PRKD1: variants seen among roughly 807,000 people sequenced by gnomAD.
PRKD1 encodes the protein serine/threonine-protein kinase D1.
A neutral mutation model predicts 95.9 loss-of-function variants in PRKD1; 63 were observed. That is an observed-to-expected ratio of 0.66 (90% CI 0.54 to 0.81). PRKD1 has a LOEUF of 0.81. Ranked by LOEUF, PRKD1 falls within the 30% of genes least tolerant of loss-of-function variation. The probability of loss-of-function intolerance (pLI) is 0.00; values close to 1 mark genes in which losing one functional copy is unlikely to be tolerated. For synonymous variants in PRKD1, 425 were observed against 423.1 expected (o/e 1.00, Z -0.05); for missense variants, 1,048 against 1,165.3 (o/e 0.90, Z 1.47).
intron 11 of PRKD1, among the ~76,000 whole-genome samples, chr14:29,627,937 C>T (rs1017303958): frequency 5.3e-5 from 8 of 152,100 alleles, no homozygotes; most frequent in South Asian, 2.1e-4. Context: ...TTAGGCTTTC[C>T]GATAACTCAA....
At chr14:29,678,455 A>G (rs1883353810) in intron 2 of PRKD1, among the ~76,000 whole-genome samples, 1 of 152,156 alleles carries the variant, frequency 6.6e-6, no homozygotes, top group Non-Finnish European at 1.5e-5. Context: ...TGAATAATTT[A>G]TTAGACAAGT....
At chr14:29,642,571 T>C (rs1384020314) in intron 4 of PRKD1, among the ~76,000 whole-genome samples, 1 of 152,224 alleles carries the variant, frequency 6.6e-6, no homozygotes, top group Non-Finnish European at 1.5e-5. Flanking sequence ...AAATGTATTA[T>C]ACAAAGTAAA....
intron 1 of PRKD1, among the ~76,000 whole-genome samples, chr14:29,854,680 T>C (rs1566638227): frequency 2.6e-5 from 4 of 152,092 alleles, no homozygotes; most frequent in Non-Finnish European, 4.4e-5. Flanking sequence ...CCCAAGACAA[T>C]GGGAAAAATG....
At chr14:29,611,988 T>C (rs1878502149) in intron 13 of PRKD1, among the ~76,000 whole-genome samples, 1 of 152,194 alleles carries the variant, frequency 6.6e-6, no homozygotes, top group Non-Finnish European at 1.5e-5. Flanking sequence ...ATTACTGTAG[T>C]ACAGCTTCTA....
At chr14:29,809,785 T>C (rs1890402122) in intron 1 of PRKD1, among the ~76,000 whole-genome samples, 2 of 152,256 alleles carry the variant, frequency 1.3e-5, no homozygotes, top group Non-Finnish European at 2.9e-5. Context: ...TGTTTTGTTT[T>C]CTTATCATTT....
rs1192535083 is a variant in PRKD1 at position 29,826,842 on chromosome 14, C to CAT, written c.264+100406_264+100407insAT. Reference sequence around the variant, plus strand: ...ATATATATATATATATATATATACACACATATATATATATATATATATATA... The same window carrying CAT: ...ATATATATATATATATATATATACACATACATATATATATATATATATATATA... On this transcript the variant is annotated intron_variant, in intron 1 of 17. Transcript: ENST00000331968. 1.2e-3 allele frequency among the ~76,000 whole-genome samples: 24 copies of CAT among 19,868 alleles called. 4 individuals carry two copies. The highest frequency in any genetic ancestry group is 3.4e-3 in the African/African-American group (17 of 5,070). The allele number at this position is 19,868 out of a possible 152,430, so 13.0% of individuals were successfully genotyped here.
At chr14:29,895,284 C>G (rs968941102) in intron 1 of PRKD1, among the ~76,000 whole-genome samples, 8 of 152,094 alleles carry the variant, frequency 5.3e-5, no homozygotes, top group African/African-American at 1.9e-4. Context: ...GCCACTGCAC[C>G]CCAGCCTGGG....
At chr14:29,816,136 T>C (rs2139257024) in intron 1 of PRKD1, among the ~76,000 whole-genome samples, 1 of 152,290 alleles carries the variant, frequency 6.6e-6, no homozygotes, top group East Asian at 1.9e-4. Flanking sequence ...AAGAGTCACT[T>C]GAACCAGGGA....
intron 4 of PRKD1, among the ~76,000 whole-genome samples, chr14:29,642,398 T>C (rs1880843028): frequency 6.6e-6 from 1 of 152,212 alleles, no homozygotes; most frequent in Non-Finnish European, 1.5e-5. Flanking sequence ...TTGTTTGATA[T>C]ATCAAGCTAC....
chr14:29,644,567 T>G lies in PRKD1; in HGVS notation c.697-5663A>C, dbSNP rs141959497. Among the ~76,000 whole-genome samples, 84 of 151,946 alleles carry G rather than the reference T, an allele frequency of 5.5e-4. No individual in the cohort carries two copies. In the Middle Eastern group the frequency reaches 0.01, roughly 18 times the overall value. The stretch of plus-strand genomic sequence containing the variant: ...GAATCTAGGTGTGTGATAAAATAAC[T>G]TGATCTAGATGTCAGCAACTGAAAA... On this transcript the variant is annotated intron_variant, in intron 4 of 17. Coordinates refer to ENST00000331968, the MANE Select transcript of PRKD1 (RefSeq NM_002742.3).
chr14:29,776,794 C>T (rs1008046650), intron 1 of PRKD1, among the ~76,000 whole-genome samples: 22 of 152,232 alleles, frequency 1.4e-4, no homozygotes, highest in Admixed American at 7.8e-4. Flanking sequence ...ACACAGAGAA[C>T]ACCACAAAGA....
chr14:29,675,872 C>T lies in PRKD1; in HGVS notation c.404-9664G>A, dbSNP rs1883143863. 4.6e-5 allele frequency among the ~76,000 whole-genome samples: 7 copies of T among 151,278 alleles called. No homozygotes were observed. The South Asian group carries it at 1.5e-3, about 32-fold the overall frequency. On this transcript the variant is annotated intron_variant, in intron 2 of 17. Coordinates refer to ENST00000331968, the MANE Select transcript of PRKD1 (RefSeq NM_002742.3). ...GAAACCATCATTCTCAGCAAACTAT[C>T]GCAAGGACAAAAACACAAACACCGC... is the stretch of plus-strand genomic sequence containing the variant.
intron 1 of PRKD1, among the ~76,000 whole-genome samples, chr14:29,843,801 G>A (rs1891966512): frequency 6.6e-6 from 1 of 152,102 alleles, no homozygotes; most frequent in Admixed American, 6.6e-5. Flanking sequence ...TTAGAAAATG[G>A]TAAATGTTAT....
At chr14:29,596,688 C>T (rs903169439) in intron 16 of PRKD1, among the ~76,000 whole-genome samples, 1 of 152,150 alleles carries the variant, frequency 6.6e-6, no homozygotes, top group African/African-American at 2.4e-5. Flanking sequence ...CCTCTGACCT[C>T]GTGATCCACA....
At chr14:29,863,074 A>T (rs887978821) in intron 1 of PRKD1, among the ~76,000 whole-genome samples, 1 of 152,216 alleles carries the variant, frequency 6.6e-6, no homozygotes, top group Non-Finnish European at 1.5e-5. Context: ...AGAATTTCTT[A>T]CTGAATGGCT....
intron 1 of PRKD1, among the ~76,000 whole-genome samples, chr14:29,785,596 T>C (rs943083120): frequency 1.7e-4 from 26 of 150,186 alleles, no homozygotes; most frequent in South Asian, 4.2e-4. Flanking sequence ...CTTCCAGTAC[T>C]GTCTTGAAAA....
At chr14:29,770,725 G>C (rs1888463490) in intron 1 of PRKD1, among the ~76,000 whole-genome samples, 1 of 152,090 alleles carries the variant, frequency 6.6e-6, no homozygotes, top group Admixed American at 6.6e-5. Context: ...CCAGCACTTT[G>C]GGAGACCAAG....
intron 2 of PRKD1, among the ~76,000 whole-genome samples, chr14:29,692,134 AC>A (rs977425139): frequency 4.6e-5 from 7 of 151,888 alleles, no homozygotes; most frequent in Non-Finnish European, 8.8e-5. Flanking sequence ...TTTATGAGTT[AC>A]CCCCCTTATA....
At chr14:29,717,918 G>T (rs545756250) in intron 2 of PRKD1, among the ~76,000 whole-genome samples, 1 of 152,172 alleles carries the variant, frequency 6.6e-6, no homozygotes, top group African/African-American at 2.4e-5. Flanking sequence ...ATGCACTATT[G>T]TGTCATTGCT....
Sources: gnomAD v4.1 joint callset for allele counts (sites outside exome capture counted in the v4.1 genomes callset) on GRCh38, gnomAD v4.1.1 for gene constraint, MANE v1.5 for transcripts, NCBI Gene and HGNC (gene_info 2026-07-23, HGNC 2026-07-21) for gene names.